Variants in PHF20 observed in about 807,000 individuals in gnomAD.
The protein encoded by PHF20 is PHD finger protein 20, also known as glioma-expressed antigen 2.
In PHF20, 23 loss-of-function variants were observed where a neutral mutation model predicts 113.5. The ratio of observed to expected loss-of-function variants is 0.20; its 90% CI spans 0.15 to 0.29. The LOEUF is 0.29. Ranked by LOEUF, PHF20 falls within the 10% of genes least tolerant of loss-of-function variation. The pLI, the probability that PHF20 is intolerant of heterozygous loss-of-function variation, is 1.00. For synonymous variants in PHF20, 434 were observed against 457.3 expected (o/e 0.95, Z 0.65); for missense variants, 943 against 1,219.6 (o/e 0.77, Z 3.38).
At chr20:35,945,667 A>G (rs1227810910) in intron 17 of PHF20, among the ~76,000 whole-genome samples, 1 of 152,136 alleles carries the variant, frequency 6.6e-6, no homozygotes, top group East Asian at 1.9e-4. Context: ...AGGCTGGGAT[A>G]GCACAGGGGC....
intron 17 of PHF20, 38 bp from the exon 18 acceptor site, chr20:35,947,447 G>A (rs539391992): frequency 6.2e-7 from 1 of 1,600,866 alleles, no homozygotes; most frequent in East Asian, 2.2e-5. Flanking sequence ...TCAAGTGTTG[G>A]GAGTTCACTA....
In PHF20 at chr20:35,780,221, CTTTTTTTTTTTT is replaced by C. The variant is rs930285446; in HGVS notation, c.-33+8153_-33+8164del. Among the ~76,000 whole-genome samples, 7 of 123,280 alleles carry C rather than the reference CTTTTTTTTTTTT, an allele frequency of 5.7e-5. No individual in the cohort carries two copies. The South Asian group carries it at 1.6e-3, about 28-fold the overall frequency. The allele number at this position is 123,280 out of a possible 152,430, so 80.9% of individuals were successfully genotyped here. On this transcript the variant is annotated intron_variant, in intron 1 of 17. Coordinates refer to ENST00000374012, the MANE Select transcript of PHF20 (RefSeq NM_016436.5). ...ACTTTGCCACCCTCACCCCAGATTTCTTTTTTTTTTTTTTTTTTTTTTGGGACGGAGTCTCAC... is the reference window on the plus strand; with the variant it reads ...ACTTTGCCACCCTCACCCCAGATTTCTTTTTTTTTTGGGACGGAGTCTCAC...
At chr20:35,803,204 A>G (rs987310591) in intron 2 of PHF20, among the ~76,000 whole-genome samples, 29 of 150,960 alleles carry the variant, frequency 1.9e-4, no homozygotes, top group African/African-American at 7.0e-4. Flanking sequence ...TTGAGCCAAG[A>G]TCGCGCCACT....
intron 4 of PHF20, chr20:35,850,869 C>A (rs1310469308): frequency 7.1e-6 from 8 of 1,132,912 alleles, no homozygotes; most frequent in Non-Finnish European, 1.0e-5. Context: ...TTGCTGAATG[C>A]TTCGAACTTG....
chr20:35,879,749 C>T (rs541989706), intron 9 of PHF20, among the ~76,000 whole-genome samples: 18 of 150,290 alleles, frequency 1.2e-4, no homozygotes, highest in Non-Finnish European at 1.9e-4. Flanking sequence ...CTCTTCAAGA[C>T]CAGCCTGGGC....
At chr20:35,840,157 A>C (rs1219264602) in intron 2 of PHF20, among the ~76,000 whole-genome samples, 1 of 152,160 alleles carries the variant, frequency 6.6e-6, no homozygotes, top group Non-Finnish European at 1.5e-5. Context: ...GCAGGGAGAA[A>C]ATACAGATAG....
chr20:35,822,542 A>G (rs576559130), intron 2 of PHF20, among the ~76,000 whole-genome samples: 27 of 152,110 alleles, frequency 1.8e-4, no homozygotes, highest in African/African-American at 6.3e-4. Context: ...AGCAGAAAGT[A>G]CAGAGTTCTG....
At chr20:35,791,332 C>T (rs1236055785) in intron 1 of PHF20, among the ~76,000 whole-genome samples, 2 of 151,610 alleles carry the variant, frequency 1.3e-5, no homozygotes, top group African/African-American at 4.8e-5. Context: ...CTTTGTGAAC[C>T]TCAGTTTTCA....
chr20:35,935,501 G>A (rs1036066756), intron 15 of PHF20, among the ~76,000 whole-genome samples: 3 of 152,194 alleles, frequency 2.0e-5, no homozygotes, highest in Non-Finnish European at 4.4e-5. Context: ...CCAGTAGCTG[G>A]GATTGCAGGC....
Position 35,902,052 on chromosome 20 carries a change from C to T in PHF20, c.1561+2404C>T, listed in dbSNP as rs116424409. Among the ~76,000 whole-genome samples, 1,212 of 152,240 alleles carry T rather than the reference C, an allele frequency of 8.0e-3. 18 individuals carry two copies. The highest frequency in any genetic ancestry group is 0.028 in the African/African-American group (1,158 of 41,528). ...GTGTGGGGAAGTGGATTTCCTTCTT[C>T]CCCTTGCTTTCTAGAATTTCATCCT... On this transcript the variant is annotated intron_variant, in intron 10 of 17. Transcript: ENST00000374012.
At chr20:35,850,296 G>GTGTTTTTTTTT (rs2146949549) in intron 4 of PHF20, among the ~76,000 whole-genome samples, 3 of 62,358 alleles carry the variant, frequency 4.8e-5, no homozygotes, top group East Asian at 4.0e-4. Context: ...TTCCCCCTCC[G>GTGTTTTTTTTT]TTTTTTTTTT....
chr20:35,933,413 T>C (rs1282149657), intron 15 of PHF20, among the ~76,000 whole-genome samples: 8 of 144,826 alleles, frequency 5.5e-5, no homozygotes, highest in Non-Finnish European at 9.2e-5. Context: ...TTTTTTTTTT[T>C]TGAGACCGAG....
At chr20:35,934,872 A>G (rs2147120725) in intron 15 of PHF20, among the ~76,000 whole-genome samples, 2 of 152,342 alleles carry the variant, frequency 1.3e-5, no homozygotes, top group East Asian at 3.9e-4. Flanking sequence ...CACATTTCAT[A>G]AAACAGGAAA....
At chr20:35,880,299 C>T (rs1280477708) in intron 9 of PHF20, among the ~76,000 whole-genome samples, 1 of 152,092 alleles carries the variant, frequency 6.6e-6, no homozygotes, top group Non-Finnish European at 1.5e-5. Flanking sequence ...CACAGCATGA[C>T]CATAGGGCGA....
chr20:35,789,948 G>A (rs1018827605), intron 1 of PHF20, among the ~76,000 whole-genome samples: 5 of 148,350 alleles, frequency 3.4e-5, no homozygotes, highest in Non-Finnish European at 5.9e-5. Context: ...TCCGCCTCCC[G>A]GGTTCAGGCA....
At chr20:35,820,766 G>A (rs1311895990) in intron 2 of PHF20, among the ~76,000 whole-genome samples, 2 of 151,992 alleles carry the variant, frequency 1.3e-5, no homozygotes, top group East Asian at 3.9e-4. Context: ...GTACTTTCAA[G>A]TGGGTAGAGT....
intron 1 of PHF20, among the ~76,000 whole-genome samples, chr20:35,793,328 C>G (rs1284697389): frequency 1.4e-5 from 2 of 147,662 alleles, no homozygotes; most frequent in Non-Finnish European, 3.0e-5. Flanking sequence ...AGACAAGAGT[C>G]TCGCTCTGTC....
chr20:35,835,162 C>T (rs1600803340), intron 2 of PHF20, among the ~76,000 whole-genome samples: 1 of 152,084 alleles, frequency 6.6e-6, no homozygotes, highest in East Asian at 1.9e-4. Flanking sequence ...GTAGTCCTAG[C>T]TACTCAGGAG....
intron 10 of PHF20, among the ~76,000 whole-genome samples, chr20:35,907,593 C>T (rs1053035934): frequency 1.7e-4 from 26 of 152,188 alleles, no homozygotes; most frequent in African/African-American, 6.0e-4. Flanking sequence ...GTGCTGGGCG[C>T]TGTTCCAAGT....
Sources: allele counts gnomAD v4.1 joint callset (sites outside exome capture counted in the v4.1 genomes callset), GRCh38; gene constraint gnomAD v4.1.1; transcripts MANE v1.5; gene names NCBI Gene and HGNC (gene_info 2026-07-23, HGNC 2026-07-21).